HECW1: variants seen among roughly 807,000 people sequenced by gnomAD.
HECW1 encodes the protein HECT, C2 and WW domain containing E3 ubiquitin protein ligase 1, also known as E3 ubiquitin-protein ligase HECW1.
Under a neutral mutation model 182.3 loss-of-function variants are expected in HECW1, and 61 were observed. The ratio of observed to expected loss-of-function variants is 0.33; its 90% CI spans 0.27 to 0.41. The LOEUF is 0.41. Ranked by LOEUF, HECW1 falls within the 10% of genes least tolerant of loss-of-function variation. The pLI is 1.00. For synonymous variants in HECW1, 859 were observed against 832.6 expected, an observed-to-expected ratio of 1.03 and a Z score of -0.55; for missense variants, 1,739 against 2,108.9, an observed-to-expected ratio of 0.82 and a Z score of 3.44.
intron 8 of HECW1, among the ~76,000 whole-genome samples, chr7:43,410,157 C>T (rs1268391388): frequency 2.6e-5 from 4 of 152,158 alleles, no homozygotes; most frequent in Non-Finnish European, 5.9e-5. Flanking sequence ...CTTCTCCTTG[C>T]AAGACTTTGC....
At chr7:43,516,664 T>G (rs1454051576) in intron 24 of HECW1, among the ~76,000 whole-genome samples, 1 of 152,214 alleles carries the variant, frequency 6.6e-6, no homozygotes, top group Non-Finnish European at 1.5e-5. Flanking sequence ...ACACATTTTC[T>G]TTGTCTTAAG....
chr7:43,379,976 C>T (rs148958563), intron 6 of HECW1, among the ~76,000 whole-genome samples: 7 of 152,360 alleles, frequency 4.6e-5, no homozygotes, highest in Admixed American at 1.3e-4. Context: ...ACACAGCAGA[C>T]GGCCCATAAA....
chr7:43,546,806 A>G (rs1423635507), intron 26 of HECW1, among the ~76,000 whole-genome samples: 1 of 152,098 alleles, frequency 6.6e-6, no homozygotes, highest in Non-Finnish European at 1.5e-5. Flanking sequence ...GATAAGGGCA[A>G]TCCTGATCAT....
chr7:43,116,488 T>C (rs989930617), intron 2 of HECW1, among the ~76,000 whole-genome samples: 2 of 152,210 alleles, frequency 1.3e-5, no homozygotes, highest in Non-Finnish European at 2.9e-5. Context: ...TGAACCACTG[T>C]AAGTGCTTCT....
rs532249159 is a variant in HECW1, at chr7:43,208,694, C to CT, written c.-31-35180dup. 3.6e-3 allele frequency among the ~76,000 whole-genome samples: 542 copies of CT among 152,360 alleles called. 5 individuals carry two copies. The highest frequency in any genetic ancestry group is 0.012 in the African/African-American group (508 of 41,588). On this transcript the variant is annotated intron_variant, in intron 2 of 29. Coordinates refer to ENST00000395891, the MANE Select transcript of HECW1 (RefSeq NM_015052.5). ...CTTCATTCTCATTGGTGGTTTAGGT[C>CT]TAGGACATGCTCCTCTTAGGCAATT...
At chr7:43,196,376 A>G (rs1794460800) in intron 2 of HECW1, among the ~76,000 whole-genome samples, 1 of 152,208 alleles carries the variant, frequency 6.6e-6, no homozygotes, top group Non-Finnish European at 1.5e-5. Context: ...TCTGAACCCA[A>G]ATAGGTCTTA....
intron 3 of HECW1, among the ~76,000 whole-genome samples, chr7:43,264,280 T>C (rs2152735429): frequency 6.6e-6 from 1 of 152,258 alleles, no homozygotes; most frequent in East Asian, 1.9e-4. Flanking sequence ...CATTCTACTC[T>C]CTGCTTCTGT....
At chr7:43,268,260 C>T (rs1033737304) in intron 3 of HECW1, among the ~76,000 whole-genome samples, 14 of 152,144 alleles carry the variant, frequency 9.2e-5, no homozygotes, top group African/African-American at 3.1e-4. Flanking sequence ...GAGATAAATC[C>T]TAGAAGGAGA....
intron 24 of HECW1, among the ~76,000 whole-genome samples, chr7:43,510,754 G>A (rs944038063): frequency 3.9e-5 from 6 of 152,314 alleles, no homozygotes; most frequent in African/African-American, 1.2e-4. Context: ...GGTGGCATAG[G>A]ACAACAGGGA....
At chr7:43,358,781 A>G (rs1815479607) in intron 5 of HECW1, among the ~76,000 whole-genome samples, 1 of 149,772 alleles carries the variant, frequency 6.7e-6, no homozygotes, top group Admixed American at 6.6e-5. Context: ...TTGGAAAGCA[A>G]TTTGGCCCCA....
intron 2 of HECW1, among the ~76,000 whole-genome samples, chr7:43,174,873 A>G (rs957830938): frequency 1.3e-5 from 2 of 152,036 alleles, no homozygotes; most frequent in Admixed American, 6.6e-5. Context: ...CCTAACAGCA[A>G]CTCAGATGGA....
chr7:43,517,746 G>T (rs1233177780), intron 24 of HECW1, among the ~76,000 whole-genome samples: 1 of 152,058 alleles, frequency 6.6e-6, no homozygotes, highest in Non-Finnish European at 1.5e-5. Context: ...ACAGCCCCTG[G>T]GTTCTTTCAC....
At chr7:43,274,278 CA>C in intron 3 of HECW1, 1 of 1,015,346 alleles carries the variant, frequency 9.8e-7, no homozygotes, top group Non-Finnish European at 1.4e-6. Context: ...ATGTCGTCGC[CA>C]AGTCCCGCTT....
At chr7:43,247,316 A>G (rs1799467798) in intron 3 of HECW1, among the ~76,000 whole-genome samples, 1 of 152,214 alleles carries the variant, frequency 6.6e-6, no homozygotes, top group Non-Finnish European at 1.5e-5. Flanking sequence ...AGAATAGGGC[A>G]CTAAAATTTG....
intron 5 of HECW1, among the ~76,000 whole-genome samples, chr7:43,354,536 T>A (rs1460334799): frequency 1.3e-5 from 2 of 152,148 alleles, no homozygotes; most frequent in Non-Finnish European, 2.9e-5. Flanking sequence ...TTATTACACG[T>A]TCTCAACAGC....
chr7:43,365,059 G>T (rs2152815611), intron 6 of HECW1, among the ~76,000 whole-genome samples: 1 of 152,314 alleles, frequency 6.6e-6, no homozygotes, highest in African/African-American at 2.4e-5. Context: ...GCCCTGCTGG[G>T]TCTAGACCTG....
Position 43,201,935 on chromosome 7 carries a change from T to C in HECW1, c.-31-41940T>C, listed in dbSNP as rs553149953. ...AGAAGTATGACTTACGACTCTGGGG[T>C]AGAATCAAAGTCCATTTTATCTGTG... is the stretch of plus-strand genomic sequence containing the variant. On this transcript the variant is annotated intron_variant, in intron 2 of 29. Transcript: ENST00000395891. Among the ~76,000 whole-genome samples, 7 of 152,312 alleles carry C rather than the reference T, an allele frequency of 4.6e-5. No individual in the cohort carries two copies. The East Asian group carries it at 9.6e-4, about 21-fold the overall frequency.
chr7:43,204,011 T>G (rs1435916875), intron 2 of HECW1, among the ~76,000 whole-genome samples: 1 of 152,240 alleles, frequency 6.6e-6, no homozygotes, highest in African/African-American at 2.4e-5. Flanking sequence ...TATTTTGAAC[T>G]TGTAATAACA....
rs563692814 is a variant in HECW1, at chr7:43,247,498, C to T, written c.27+3566C>T. Among the ~76,000 whole-genome samples, 12 of 152,220 alleles carry T rather than the reference C, an allele frequency of 7.9e-5. No homozygotes were observed. The South Asian group carries it at 2.5e-3, about 32-fold the overall frequency. ...ATCTCTAATAAAAATAAAATTTTAG[C>T]CAGGCATGGCAGTGCACCTGCAGTC... is the stretch of plus-strand genomic sequence containing the variant. On this transcript the variant is annotated intron_variant, in intron 3 of 29. Coordinates refer to ENST00000395891, the MANE Select transcript of HECW1 (RefSeq NM_015052.5).
Sources: allele counts gnomAD v4.1 joint callset (sites outside exome capture counted in the v4.1 genomes callset), GRCh38; gene constraint gnomAD v4.1.1; transcripts MANE v1.5; gene names NCBI Gene and HGNC (gene_info 2026-07-23, HGNC 2026-07-21).